The following ARHGAP32 variants were observed in gnomAD, a reference collection of about 807,000 sequenced individuals.
ARHGAP32 encodes Rho GTPase activating protein 32, also known as rho GTPase-activating protein 32.
In ARHGAP32, 51 loss-of-function variants were observed where a neutral mutation model predicts 186.5. That is an observed-to-expected ratio of 0.27 (90% CI 0.22 to 0.35). ARHGAP32 has a LOEUF of 0.35. ARHGAP32 is among the 10% of genes least tolerant of loss of function. ARHGAP32 has a pLI of 1.00. For missense variants in ARHGAP32, 2,186 were observed against 2,623.5 expected (o/e 0.83, Z 3.64); for synonymous variants, 950 against 964.3 (o/e 0.99, Z 0.27).
chr11:128,972,838 C>T lies in ARHGAP32; in HGVS notation c.3668G>A (p.Ser1223Asn), dbSNP rs749802544. ...AAGATAAGAAGGAGGCTGATCTCCA[C>T]TGTAGAAACGGGGTGGAGACTGGTC... ...DQDQSPPRFY[S>N]GDQPPSYLGA... The change falls in exon 22 of 23, where the codon AGT becomes AAT. Residue 1223 changes from serine (S) to asparagine (N), a missense_variant. By Grantham distance (46) the Ser-to-Asn change is conservative (BLOSUM62 1). Around this residue, in one of 5 missense-constraint regions of ARHGAP32, gnomAD observed 1,502 missense variants for 1,570.0 expected, o/e 0.96. Coordinates refer to ENST00000682385, the MANE Select transcript of ARHGAP32 (RefSeq NM_001378024.1). 6.2e-7 allele frequency: 1 copy of T among 1,614,058 alleles called. No homozygotes were observed. The highest frequency in any genetic ancestry group is 1.7e-5 in the Admixed American group (1 of 60,018).
In ARHGAP32 at chr11:128,981,195, T is replaced by C. The variant is rs1220359117; in HGVS notation, c.1780+221A>G. The stretch of plus-strand genomic sequence containing the variant: ...CATCAATAATGAACGACAAGTTTTT[T>C]AATGTGTCATGAACTTAGATCACAA... On this transcript the variant is annotated intron_variant, in intron 17 of 22. Coordinates refer to ENST00000682385, the MANE Select transcript of ARHGAP32 (RefSeq NM_001378024.1). 5.3e-5 allele frequency among the ~76,000 whole-genome samples: 8 copies of C among 152,344 alleles called. No individual in the cohort carries two copies. The East Asian group carries it at 1.2e-3, about 22-fold the overall frequency.
intron 1 of ARHGAP32, among the ~76,000 whole-genome samples, chr11:129,172,238 T>C (rs1029539639): frequency 5.9e-5 from 9 of 152,338 alleles, no homozygotes; most frequent in Non-Finnish European, 1.3e-4. Context: ...GGCACCCTTG[T>C]CTTGTACTGG....
At chr11:129,013,303 A>G (rs1938177576) in intron 11 of ARHGAP32, among the ~76,000 whole-genome samples, 1 of 152,176 alleles carries the variant, frequency 6.6e-6, no homozygotes, top group African/African-American at 2.4e-5. Context: ...TCACCTTTCC[A>G]CAAAACATTG....
chr11:129,092,231 A>AT lies in ARHGAP32; in HGVS notation c.531+1389dup, dbSNP rs560443362. Among the ~76,000 whole-genome samples the AT allele has an allele frequency of 5.0e-3, 760 of 151,570 alleles. 5 individuals carry two copies. The highest frequency in any genetic ancestry group is 0.017 in the African/African-American group (690 of 41,386). On this transcript the variant is annotated intron_variant, in intron 6 of 22. Coordinates refer to ENST00000682385, the MANE Select transcript of ARHGAP32 (RefSeq NM_001378024.1). ...AAGGTCATTTTAAAAAACAGCACAG[A>AT]TTTTTTTTTATTTTTTTCATGTTAT... is the stretch of plus-strand genomic sequence containing the variant.
chr11:129,178,358 C>A (rs1433248654), intron 1 of ARHGAP32, among the ~76,000 whole-genome samples: 1 of 150,642 alleles, frequency 6.6e-6, no homozygotes, highest in Non-Finnish European at 1.5e-5. Flanking sequence ...GTGAAAATGG[C>A]CATACTGCCC....
intron 11 of ARHGAP32, among the ~76,000 whole-genome samples, chr11:129,003,759 T>G (rs1441527113): frequency 2.0e-5 from 3 of 152,128 alleles, no homozygotes; most frequent in African/African-American, 7.2e-5. Context: ...TTTCTTTATT[T>G]GGGTCTTCTT....
chr11:129,150,418 C>G (rs1339071413), intron 2 of ARHGAP32, among the ~76,000 whole-genome samples: 1 of 152,016 alleles, frequency 6.6e-6, no homozygotes, highest in African/African-American at 2.4e-5. Flanking sequence ...CCTGCAGTGC[C>G]CCACTCAGAA....
At chr11:129,245,662 TAATAATAATAATAATAA>T (rs1318309417) in intron 1 of ARHGAP32, among the ~76,000 whole-genome samples, 1 of 2,566 alleles carries the variant, frequency 3.9e-4, no homozygotes, top group Non-Finnish European at 5.9e-4. Context: ...ATTAAAATAA[TAATAATAATAATAATAA>T]TAATAATAAT....
At chr11:129,120,871 C>A (rs1942511028) in intron 5 of ARHGAP32, among the ~76,000 whole-genome samples, 1 of 152,066 alleles carries the variant, frequency 6.6e-6, no homozygotes, top group South Asian at 2.1e-4. Flanking sequence ...ACCAAGTTGG[C>A]CAATTGACAG....
intron 11 of ARHGAP32, among the ~76,000 whole-genome samples, chr11:129,037,588 T>A (rs1469472739): frequency 6.6e-6 from 1 of 151,900 alleles, no homozygotes; most frequent in Non-Finnish European, 1.5e-5. Context: ...TAATAATATT[T>A]CCCGAGTTGA....
At chr11:129,033,300 T>C (rs1239236834) in intron 11 of ARHGAP32, among the ~76,000 whole-genome samples, 2 of 152,194 alleles carry the variant, frequency 1.3e-5, no homozygotes, top group Non-Finnish European at 2.9e-5. Flanking sequence ...GTGGAACTGC[T>C]GGGTTACAGT....
chr11:129,219,895 C>T (rs1190892093), intron 1 of ARHGAP32, among the ~76,000 whole-genome samples: 1 of 152,004 alleles, frequency 6.6e-6, no homozygotes, highest in East Asian at 1.9e-4. Context: ...CTCAATCCCA[C>T]ATAATTAGTC....
At chr11:129,071,563 G>C (rs745832532) in intron 6 of ARHGAP32, among the ~76,000 whole-genome samples, 1 of 151,900 alleles carries the variant, frequency 6.6e-6, no homozygotes, top group African/African-American at 2.4e-5. Context: ...AGATGGTGTC[G>C]GCAAAGCTGT....
At chr11:129,160,952 C>T (rs1233260622) in intron 2 of ARHGAP32, among the ~76,000 whole-genome samples, 1 of 152,176 alleles carries the variant, frequency 6.6e-6, no homozygotes, top group African/African-American at 2.4e-5. Context: ...GGTGCCAAAA[C>T]AGATATATAG....
chr11:129,058,221 ACTCT>A (rs201254281), intron 10 of ARHGAP32, among the ~76,000 whole-genome samples: 9 of 111,878 alleles, frequency 8.0e-5, no homozygotes, highest in East Asian at 5.2e-4. Flanking sequence ...ACACACACAC[ACTCT>A]CTCTCTCTCT....
intron 7 of ARHGAP32, among the ~76,000 whole-genome samples, chr11:129,065,818 T>C (rs141138849): frequency 1.3e-5 from 2 of 152,106 alleles, no homozygotes; most frequent in African/African-American, 4.8e-5. Flanking sequence ...CTGGACCTAT[T>C]CTCCATGACT....
Position 129,139,971 on chromosome 11 carries a change from G to A in ARHGAP32, c.226-15077C>T, listed in dbSNP as rs1943017670. Among the ~76,000 whole-genome samples the A allele has an allele frequency of 1.3e-5, 2 of 152,288 alleles. 1 individual carries two copies. The highest frequency in any genetic ancestry group is 3.9e-4 in the East Asian group (2 of 5,194). On this transcript the variant is annotated intron_variant, in intron 2 of 22. Coordinates refer to ENST00000682385, the MANE Select transcript of ARHGAP32 (RefSeq NM_001378024.1). ...TGGTTGTTCAATCAATCTAGGTACT[G>A]CTGAGAATAGAGGGTGCAAATGTAA...
intron 21 of ARHGAP32, 179 bp downstream of exon 21, chr11:128,973,945 G>T: frequency 1.5e-6 from 1 of 677,096 alleles, no homozygotes; most frequent in Non-Finnish European, 2.4e-6. Context: ...GGCCCTTTTG[G>T]GGAGTTTTGT....
intron 10 of ARHGAP32, among the ~76,000 whole-genome samples, chr11:129,055,190 C>T (rs1409934215): frequency 6.6e-6 from 1 of 152,198 alleles, no homozygotes; most frequent in Non-Finnish European, 1.5e-5. Context: ...AGCAGAACAG[C>T]ACCCTTCAAT....
Sources: allele counts gnomAD v4.1 joint callset (sites outside exome capture counted in the v4.1 genomes callset), GRCh38; gene constraint gnomAD v4.1.1; regional missense constraint gnomAD v4.1.1; transcripts MANE v1.5; gene names NCBI Gene and HGNC (gene_info 2026-07-23, HGNC 2026-07-21).